The following PRKCG variants were observed in gnomAD, a reference collection of about 807,000 sequenced individuals.
PRKCG encodes the protein protein kinase C gamma type.
In PRKCG, 28 loss-of-function variants were observed where a neutral mutation model predicts 82.0. The observed-to-expected ratio is 0.34, with a 90% CI of 0.25 to 0.47. The LOEUF is 0.47. Among genes scored for constraint, PRKCG ranks in the 20% least tolerant of loss-of-function variants. The probability of loss-of-function intolerance (pLI) is 1.00; values close to 1 mark genes in which losing one functional copy is unlikely to be tolerated. For synonymous variants in PRKCG, 383 were observed against 376.6 expected, an observed-to-expected ratio of 1.02 and a Z score of -0.20; for missense variants, 640 against 952.7, an observed-to-expected ratio of 0.67 and a Z score of 4.32.
In PRKCG at chr19:53,883,386, G is replaced by A. The variant is rs1284802872; in HGVS notation, c.202+192G>A. On this transcript the variant is annotated intron_variant, in intron 2 of 17. Transcript: ENST00000263431. This position sits in a 1 kb window ranked among gnomAD's most constrained non-coding sequence, Gnocchi z 5.4. Reference sequence around the variant, plus strand: ...ATGGTGGGGCCACCGCGGAGGTGGTGCTGGGGGCCCCTCCCTCGGCCGGCT... The same window carrying A: ...ATGGTGGGGCCACCGCGGAGGTGGTACTGGGGGCCCCTCCCTCGGCCGGCT... Among the ~76,000 whole-genome samples the A allele has an allele frequency of 6.6e-6, 1 of 152,036 alleles. No individual in the cohort carries two copies. Among genetic ancestry groups the A allele is most frequent in the Non-Finnish European group, 1.5e-5 (1 of 67,980 alleles).
chr19:53,890,127 C>G (rs910367746), intron 5 of PRKCG, 110 bp downstream of exon 5: 1 of 1,214,036 alleles, frequency 8.2e-7, no homozygotes, highest in Non-Finnish European at 1.2e-6. Flanking sequence ...GGCCACGCCT[C>G]TTTCTATGGT....
In PRKCG at chr19:53,892,978, T is replaced by C; in HGVS notation, c.822-10T>C. ...CCGCTGCCCGCCTCTGGTCTCCGTC[T>C]GTATGTCAGGTACAAGTTACTGAAC... On this transcript the variant is annotated splice_polypyrimidine_tract_variant and intron_variant, in intron 7 of 17. Transcript: ENST00000263431. The surrounding 1 kb of genome is among the most constrained non-coding windows in gnomAD (Gnocchi z 5.9). 6.2e-7 allele frequency: 1 copy of C among 1,613,668 alleles called. No individual in the cohort carries two copies. The highest frequency in any genetic ancestry group is 8.5e-7 in the Non-Finnish European group (1 of 1,179,672).
In PRKCG at chr19:53,892,792, G is replaced by GCACACA; in HGVS notation, c.821+151_821+156dup. On this transcript the variant is annotated intron_variant, in intron 7 of 17. Transcript: ENST00000263431. The surrounding 1 kb of genome is among the most constrained non-coding windows in gnomAD (Gnocchi z 5.9). ...CACACACACACACACGCACACACAC[G>GCACACA]CACACACCCCTCTCTCTCTATTCTT... The GCACACA allele has an allele frequency of 2.1e-6, 2 of 956,788 alleles. No homozygotes were observed. The highest frequency in any genetic ancestry group is 3.1e-6 in the Non-Finnish European group (2 of 645,402). The allele number at this position is 956,788 out of a possible 1,614,324, so 59.3% of individuals were successfully genotyped here. A position where few individuals can be genotyped will look rare whatever the true frequency, so the allele number is the denominator to read the frequency against.
At chr19:53,905,003 G>A (rs1461331836) in intron 16 of PRKCG, among the ~76,000 whole-genome samples, 1 of 152,110 alleles carries the variant, frequency 6.6e-6, no homozygotes, top group Non-Finnish European at 1.5e-5. Context: ...GAAAGTCCAG[G>A]GTGTCTGTCT....
Position 53,892,930 on chromosome 19 carries a change from C to A in PRKCG, c.822-58C>A, listed in dbSNP as rs984129047. 3.4e-6 allele frequency: 5 copies of A among 1,487,258 alleles called. No homozygotes were observed. In the Admixed American group the frequency reaches 6.8e-5, roughly 20 times the overall value. 92.1% of individuals were successfully genotyped at this position (1,487,258 alleles called of 1,614,324 possible). On this transcript the variant is annotated intron_variant, in intron 7 of 17. Transcript: ENST00000263431. The surrounding 1 kb of genome is among the most constrained non-coding windows in gnomAD (Gnocchi z 5.9). ...TCTTTCCTCCCTTCCAATGTCTTTGCCTCTCCCATGGGTGCCCCATCCCCG... is the reference window on the plus strand; with the variant it reads ...TCTTTCCTCCCTTCCAATGTCTTTGACTCTCCCATGGGTGCCCCATCCCCG...
chr19:53,895,845 G>A (rs1003450328), intron 9 of PRKCG, among the ~76,000 whole-genome samples: 5 of 152,142 alleles, frequency 3.3e-5, no homozygotes, highest in Admixed American at 1.3e-4. Context: ...GGATCACGAG[G>A]TCAGGAGATC....
chr19:53,886,649 C>A (rs2068633713), intron 3 of PRKCG, among the ~76,000 whole-genome samples: 1 of 151,270 alleles, frequency 6.6e-6, no homozygotes, highest in South Asian at 2.1e-4. Flanking sequence ...TGGTCTCACT[C>A]GATTCTCCTG....
At chr19:53,893,544 C>T (rs1024309323) in intron 9 of PRKCG, 153 bp downstream of exon 9, 14 of 850,640 alleles carry the variant, frequency 1.6e-5, no homozygotes, top group Non-Finnish European at 2.3e-5. Flanking sequence ...ATCCAGGATC[C>T]AGAGATGAAT....
chr19:53,894,707 G>T (rs963868518), intron 9 of PRKCG, among the ~76,000 whole-genome samples: 4 of 152,152 alleles, frequency 2.6e-5, no homozygotes, highest in Non-Finnish European at 5.9e-5. Flanking sequence ...TGATCCACCC[G>T]CCTTGGCCTC....
rs140002181 is a variant in PRKCG at position 53,885,290 on chromosome 19, G to A, written c.285+1047G>A. 7.0e-3 allele frequency among the ~76,000 whole-genome samples: 1,068 copies of A among 152,132 alleles called. 14 individuals are homozygous for A. Among genetic ancestry groups the A allele is most frequent in the African/African-American group, 0.025 (1,028 of 41,510 alleles). ...GTTGCCCAAGCTGGAGTGCAGTGGC[G>A]CAGTCTCAGCTCAATGCAACTTCCG... On this transcript the variant is annotated intron_variant, in intron 3 of 17. Coordinates refer to ENST00000263431, the MANE Select transcript of PRKCG (RefSeq NM_002739.5).
chr19:53,897,101 C>G (rs1450878274), intron 9 of PRKCG, among the ~76,000 whole-genome samples: 1 of 152,052 alleles, frequency 6.6e-6, no homozygotes, highest in Non-Finnish European at 1.5e-5. Flanking sequence ...GACCATGGAG[C>G]CTGGGAGAGA....
In PRKCG at chr19:53,907,309, C is replaced by T. The variant is rs1225115359; in HGVS notation, c.*414C>T. 8 of 279,232 alleles carry T rather than the reference C, an allele frequency of 2.9e-5. No homozygotes were observed. Among genetic ancestry groups the T allele is most frequent in the South Asian group, 7.7e-5 (2 of 25,868 alleles). 17.3% of individuals were successfully genotyped at this position (279,232 alleles called of 1,614,324 possible). On this transcript the variant is annotated 3_prime_UTR_variant, in exon 18 of 18. Transcript: ENST00000263431. ...CAGACTCAGGTTCCAGAACAGCCCTCGGCCTCCGAGGCTCCCCGCCTCCAC... is the reference window on the plus strand; with the variant it reads ...CAGACTCAGGTTCCAGAACAGCCCTTGGCCTCCGAGGCTCCCCGCCTCCAC...
Position 53,891,714 on chromosome 19 carries a change from T to C in PRKCG, c.570T>C (p.Gly190=). 1.9e-6 allele frequency: 3 copies of C among 1,614,020 alleles called. No homozygotes were observed. The highest frequency in any genetic ancestry group is 1.1e-5 in the South Asian group (1 of 91,084). ...ACCTAATTCCTATGGACCCCAATGG[T>C]CTCTCTGATCCCTATGTGAAACTGA... ...ARNLIPMDPN[G]LSDPYVKLKL... Residue 190 remains glycine (G), a synonymous_variant, in exon 6 of 18, where the codon GGT becomes GGC. Transcript: ENST00000263431.
intron 9 of PRKCG, among the ~76,000 whole-genome samples, chr19:53,894,073 A>AT (rs955119444): frequency 4.5e-4 from 59 of 130,704 alleles, no homozygotes; most frequent in Non-Finnish European, 6.3e-4. Context: ...TGAGTTTTTT[A>AT]TTTTTTTTTT....
In PRKCG at chr19:53,894,259, G is replaced by A. The variant is rs2068701898; in HGVS notation, c.939+868G>A. Reference sequence around the variant, plus strand: ...TTTTTGTATTTTTAGTAGAGATGGGGTTTCACCGTGTTAGCCAGGATGGTC... The same window carrying A: ...TTTTTGTATTTTTAGTAGAGATGGGATTTCACCGTGTTAGCCAGGATGGTC... On this transcript the variant is annotated intron_variant, in intron 9 of 17. Transcript: ENST00000263431. Among the ~76,000 whole-genome samples the A allele has an allele frequency of 4.0e-5, 6 of 150,268 alleles. No homozygotes were observed. The South Asian group carries it at 1.3e-3, about 32-fold the overall frequency.
intron 9 of PRKCG, among the ~76,000 whole-genome samples, chr19:53,896,523 G>A (rs559495983): frequency 1.8e-4 from 27 of 152,182 alleles, no homozygotes; most frequent in African/African-American, 6.3e-4. Context: ...GGGTTCAAGC[G>A]ATTCTCCTGC....
Position 53,897,357 on chromosome 19 carries a change from C to T in PRKCG, c.940-602C>T, listed in dbSNP as rs28394110. On this transcript the variant is annotated intron_variant, in intron 9 of 17. Transcript: ENST00000263431. Reference sequence around the variant, plus strand: ...GTCTTGGGCCCCCTCCCTGGGGGGCCGAGGCAGGAAAAGGTAGAGAAGGGA... The same window carrying T: ...GTCTTGGGCCCCCTCCCTGGGGGGCTGAGGCAGGAAAAGGTAGAGAAGGGA... Among the ~76,000 whole-genome samples, 1,223 of 152,132 alleles carry T rather than the reference C, an allele frequency of 8.0e-3. 20 individuals are homozygous for T. The highest frequency in any genetic ancestry group is 0.028 in the African/African-American group (1,169 of 41,514).
rs754631424 is a variant in PRKCG at position 53,889,798 on chromosome 19, G to A, written c.397+49G>A. On this transcript the variant is annotated intron_variant, in intron 4 of 17. Transcript: ENST00000263431. The surrounding 1 kb of genome is among the most constrained non-coding windows in gnomAD (Gnocchi z 4.4). Reference sequence around the variant, plus strand: ...GGCCCTTCCAAAGCGCCCGGTCTGGGTTCCGGGAAATGCCCGGGATGGGGT... The same window carrying A: ...GGCCCTTCCAAAGCGCCCGGTCTGGATTCCGGGAAATGCCCGGGATGGGGT... 2.5e-6 allele frequency: 4 copies of A among 1,596,432 alleles called. No homozygotes were observed. The highest frequency in any genetic ancestry group is 3.5e-5 in the Admixed American group (2 of 57,786).
At chr19:53,905,604 A>C (rs1312223723) in intron 16 of PRKCG, among the ~76,000 whole-genome samples, 2 of 147,852 alleles carry the variant, frequency 1.4e-5, no homozygotes, top group Non-Finnish European at 3.0e-5. Context: ...CCACCCTCTG[A>C]ATTTCTATTT....
Sources: allele counts gnomAD v4.1 joint callset (sites outside exome capture counted in the v4.1 genomes callset), GRCh38; gene constraint gnomAD v4.1.1; non-coding constraint Gnocchi (gnomAD v3.1); transcripts MANE v1.5; gene names NCBI Gene and HGNC (gene_info 2026-07-23, HGNC 2026-07-21).